The following GALNTL6 variants were observed in gnomAD, a reference collection of about 807,000 sequenced individuals.
GALNTL6 encodes polypeptide N-acetylgalactosaminyltransferase-like 6.
GALNTL6 carries 46 observed loss-of-function variants against 73.7 expected under a neutral mutation model. That is an observed-to-expected ratio of 0.62 (90% CI 0.49 to 0.80). The LOEUF is 0.80. GALNTL6 is among the 30% of genes least tolerant of loss of function. The pLI, the probability that GALNTL6 is intolerant of heterozygous loss-of-function variation, is 0.00. For missense variants in GALNTL6, 604 were observed against 755.0 expected, an observed-to-expected ratio of 0.80 and a Z score of 2.34; for synonymous variants, 259 against 263.7, an observed-to-expected ratio of 0.98 and a Z score of 0.17.
intron 9 of GALNTL6, among the ~76,000 whole-genome samples, chr4:172,939,124 T>C (rs1042973661): frequency 1.1e-4 from 17 of 151,894 alleles, no homozygotes; most frequent in African/African-American, 3.9e-4. Context: ...GCCCCAGCTT[T>C]AAAAAAGTTT....
intron 10 of GALNTL6, among the ~76,000 whole-genome samples, chr4:172,969,619 A>G (rs1750482527): frequency 6.6e-6 from 1 of 152,262 alleles, no homozygotes. Flanking sequence ...TTGTACCAGA[A>G]GACAATGAAG....
At chr4:172,808,398 T>C (rs1460447940) in intron 5 of GALNTL6, among the ~76,000 whole-genome samples, 2 of 152,196 alleles carry the variant, frequency 1.3e-5, no homozygotes, top group Non-Finnish European at 2.9e-5. Context: ...TTGCCTTTGA[T>C]TGAAGACATG....
At chr4:172,971,704 GCT>G (rs982580946) in intron 10 of GALNTL6, among the ~76,000 whole-genome samples, 1 of 152,116 alleles carries the variant, frequency 6.6e-6, no homozygotes, top group African/African-American at 2.4e-5. Context: ...AAAAAGAGAA[GCT>G]TCAGCTATTA....
At chr4:172,708,799 C>T (rs1308563603) in intron 5 of GALNTL6, among the ~76,000 whole-genome samples, 1 of 152,182 alleles carries the variant, frequency 6.6e-6, no homozygotes, top group African/African-American at 2.4e-5. Flanking sequence ...CAGCACAAAG[C>T]ACATTACATG....
chr4:172,902,152 A>C (rs1012226305), intron 8 of GALNTL6, among the ~76,000 whole-genome samples: 4 of 152,196 alleles, frequency 2.6e-5, no homozygotes, highest in African/African-American at 9.7e-5. Context: ...CGATGTGCAT[A>C]AAAGACACAC....
chr4:172,528,317 A>AAAAT (rs1491281445), intron 5 of GALNTL6, among the ~76,000 whole-genome samples: 1 of 118,540 alleles, frequency 8.4e-6, no homozygotes, highest in East Asian at 2.8e-4. Context: ...TGCTAGAAAT[A>AAAAT]AAATATATAT....
chr4:171,824,275 T>C (rs1734768788), intron 2 of GALNTL6, among the ~76,000 whole-genome samples: 1 of 151,806 alleles, frequency 6.6e-6, no homozygotes, highest in Non-Finnish European at 1.5e-5. Context: ...AAAGAAATGG[T>C]ATAATAATTT....
Position 171,814,415 on chromosome 4 carries a change from G to T in GALNTL6, c.-166G>T. 1.5e-6 allele frequency: 1 copy of T among 654,276 alleles called. No homozygotes were observed. Among genetic ancestry groups the T allele is most frequent in the Non-Finnish European group, 2.6e-6 (1 of 382,564 alleles). 40.5% of individuals were successfully genotyped at this position (654,276 alleles called of 1,614,324 possible). Reference sequence around the variant, plus strand: ...TAACTGTGCGTTTGTTCTGCAGATGGCCAACTCCCTCTGAATCCTGCAGAT... The same window carrying T: ...TAACTGTGCGTTTGTTCTGCAGATGTCCAACTCCCTCTGAATCCTGCAGAT... On this transcript the variant is annotated 5_prime_UTR_variant, in exon 2 of 13. Coordinates refer to ENST00000506823, the MANE Select transcript of GALNTL6 (RefSeq NM_001034845.3).
chr4:171,909,536 A>G (rs979474570), intron 2 of GALNTL6, among the ~76,000 whole-genome samples: 4 of 152,178 alleles, frequency 2.6e-5, no homozygotes, highest in Non-Finnish European at 4.4e-5. Context: ...TAGGACACAG[A>G]AAATAAATTA....
intron 5 of GALNTL6, among the ~76,000 whole-genome samples, chr4:172,435,254 G>A (rs1731591876): frequency 6.6e-6 from 1 of 152,028 alleles, no homozygotes; most frequent in Non-Finnish European, 1.5e-5. Flanking sequence ...GTAGTTCTCT[G>A]TTGCCCACAA....
intron 3 of GALNTL6, among the ~76,000 whole-genome samples, chr4:172,248,486 C>G (rs1405464177): frequency 1.3e-5 from 2 of 152,140 alleles, no homozygotes; most frequent in Non-Finnish European, 2.9e-5. Context: ...AGAACAGTCA[C>G]CAGTAGGTTT....
At chr4:172,666,162 C>T (rs967854702) in intron 5 of GALNTL6, among the ~76,000 whole-genome samples, 1 of 152,000 alleles carries the variant, frequency 6.6e-6, no homozygotes, top group African/African-American at 2.4e-5. Context: ...ATGTTTCCTC[C>T]AATTTTCTTG....
intron 2 of GALNTL6, among the ~76,000 whole-genome samples, chr4:171,821,228 G>T (rs189371599): frequency 6.6e-6 from 1 of 151,876 alleles, no homozygotes; most frequent in African/African-American, 2.4e-5. Context: ...TTTTTGTAGC[G>T]ACAAGGTCTC....
At chr4:172,362,010 T>C (rs1354346969) in intron 5 of GALNTL6, among the ~76,000 whole-genome samples, 1 of 152,180 alleles carries the variant, frequency 6.6e-6, no homozygotes, top group African/African-American at 2.4e-5. Context: ...AATTATAGAA[T>C]TGAACTAGAT....
chr4:172,753,469 T>C (rs1737551604), intron 5 of GALNTL6, among the ~76,000 whole-genome samples: 1 of 152,178 alleles, frequency 6.6e-6, no homozygotes, highest in African/African-American at 2.4e-5. Flanking sequence ...TGTGATGAAG[T>C]TTTTCTCACA....
intron 5 of GALNTL6, among the ~76,000 whole-genome samples, chr4:172,385,490 AT>A (rs1743432812): frequency 6.6e-6 from 1 of 152,018 alleles, no homozygotes; most frequent in African/African-American, 2.4e-5. Flanking sequence ...CTTGTTATGT[AT>A]TGCTGAATAA....
intron 5 of GALNTL6, among the ~76,000 whole-genome samples, chr4:172,514,172 G>T (rs181624409): frequency 6.0e-4 from 92 of 152,226 alleles, no homozygotes; most frequent in African/African-American, 1.8e-3. Context: ...GCTCCCAAGA[G>T]ATTATGTCTT....
At chr4:172,565,356 C>T (rs1434090127) in intron 5 of GALNTL6, among the ~76,000 whole-genome samples, 2 of 152,060 alleles carry the variant, frequency 1.3e-5, no homozygotes, top group Non-Finnish European at 2.9e-5. Context: ...TTGAGATGAT[C>T]ATGTGATTTT....
In GALNTL6 at chr4:172,728,632, G is replaced by T. The variant is rs147266536; in HGVS notation, c.554-80729G>T. On this transcript the variant is annotated intron_variant, in intron 5 of 12. Transcript: ENST00000506823. The stretch of plus-strand genomic sequence containing the variant: ...TTTGGCTATTGTGAATAGTGATTTG[G>T]GTATTGTGAATATCATAATATTTGG... Among the ~76,000 whole-genome samples, 119 of 152,088 alleles carry T rather than the reference G, an allele frequency of 7.8e-4. 1 individual carries two copies. In the South Asian group the frequency reaches 0.016, roughly 20 times the overall value.
Sources: gnomAD v4.1 joint callset for allele counts (sites outside exome capture counted in the v4.1 genomes callset) on GRCh38, gnomAD v4.1.1 for gene constraint, MANE v1.5 for transcripts, NCBI Gene and HGNC (gene_info 2026-07-23, HGNC 2026-07-21) for gene names.